Variants in SPIN1 observed in about 807,000 individuals in gnomAD.
SPIN1 encodes the protein spindlin 1.
A neutral mutation model predicts 26.0 loss-of-function variants in SPIN1; 3 were observed. That is an observed-to-expected ratio of 0.12 (90% CI 0.05 to 0.30). SPIN1 has a LOEUF of 0.30. SPIN1 is among the 10% of genes least tolerant of loss of function. The pLI, the probability that SPIN1 is intolerant of heterozygous loss-of-function variation, is 1.00. For missense variants in SPIN1, 126 were observed against 333.4 expected (o/e 0.38, Z 4.84); for synonymous variants, 101 against 116.5 (o/e 0.87, Z 0.86).
Position 88,397,751 on chromosome 9 carries a change from A to G in SPIN1, c.-159+9213A>G, listed in dbSNP as rs547673872. On this transcript the variant is annotated intron_variant, in intron 1 of 5. Coordinates refer to ENST00000375859, the MANE Select transcript of SPIN1 (RefSeq NM_006717.3). ...ATTCTCACTCCTCAGTCTCCCAAGT[A>G]GCTGGGAGTACAGGTGCGTGCCACC... is the stretch of plus-strand genomic sequence containing the variant. Among the ~76,000 whole-genome samples, 1,282 of 151,902 alleles carry G rather than the reference A, an allele frequency of 8.4e-3. 22 individuals are homozygous for G. Among genetic ancestry groups the G allele is most frequent in the Middle Eastern group, 0.038 (11 of 292 alleles).
At chr9:88,452,996 G>T (rs1240518142) in intron 3 of SPIN1, among the ~76,000 whole-genome samples, 1 of 152,156 alleles carries the variant, frequency 6.6e-6, no homozygotes, top group Non-Finnish European at 1.5e-5. Context: ...AATTTAACAT[G>T]TATGATGTCT....
chr9:88,466,984 G>A (rs904679988), intron 4 of SPIN1, among the ~76,000 whole-genome samples: 1 of 152,232 alleles, frequency 6.6e-6, no homozygotes, highest in South Asian at 2.1e-4. Flanking sequence ...TGATTCGCCC[G>A]CCTTGGACTC....
intron 5 of SPIN1, among the ~76,000 whole-genome samples, chr9:88,470,528 T>C (rs1221285262): frequency 1.3e-5 from 2 of 152,324 alleles, no homozygotes; most frequent in Non-Finnish European, 2.9e-5. Flanking sequence ...TGGTATCTCA[T>C]TGTGGCTTTG....
chr9:88,430,255 A>G lies in SPIN1; in HGVS notation c.52+3664A>G, dbSNP rs538739294. ...GGCTTCTTCACTCACATGGGCTGAT[A>G]GGACTTAAATAGCCTGGAGCTTTAG... On this transcript the variant is annotated intron_variant, in intron 2 of 5. Transcript: ENST00000375859. Among the ~76,000 whole-genome samples the G allele has an allele frequency of 2.6e-5, 4 of 152,338 alleles. No individual in the cohort carries two copies. The South Asian group carries it at 8.3e-4, about 32-fold the overall frequency.
At chr9:88,472,676 A>G (rs989827149) in intron 5 of SPIN1, among the ~76,000 whole-genome samples, 8 of 152,128 alleles carry the variant, frequency 5.3e-5, no homozygotes, top group Non-Finnish European at 1.2e-4. Context: ...TATTTTTAGT[A>G]GAGACAGAGT....
intron 1 of SPIN1, among the ~76,000 whole-genome samples, chr9:88,408,376 CTTTTT>C (rs1177261349): frequency 4.3e-5 from 5 of 115,438 alleles, no homozygotes; most frequent in African/African-American, 1.1e-4. Context: ...TCCTTTTTTT[CTTTTT>C]TTTTTTTTTT....
At position 88,418,279 on chromosome 9, in the gene SPIN1, G is replaced by A. The variant is rs1827606721; in HGVS notation, c.-158-8103G>A. On this transcript the variant is annotated intron_variant, in intron 1 of 5. Transcript: ENST00000375859. Reference sequence around the variant, plus strand: ...CCATCAGACATCATTCATCTCATTAGCATAAAAAAGACACTGGTATTCCTA... The same window carrying A: ...CCATCAGACATCATTCATCTCATTAACATAAAAAAGACACTGGTATTCCTA... Among the ~76,000 whole-genome samples, 2 of 152,168 alleles carry A rather than the reference G, an allele frequency of 1.3e-5. 1 individual carries two copies. The highest frequency in any genetic ancestry group is 1.3e-4 in the Admixed American group (2 of 15,274).
intron 1 of SPIN1, among the ~76,000 whole-genome samples, chr9:88,418,319 T>C (rs1827607883): frequency 6.6e-6 from 1 of 152,216 alleles, no homozygotes. Context: ...TTTAGGAATT[T>C]GGGTACCAGG....
intron 5 of SPIN1, 107 bp from the exon 6 acceptor site, chr9:88,474,970 AT>A (rs562928702): frequency 3.2e-5 from 36 of 1,139,086 alleles, no homozygotes; most frequent in Admixed American, 6.6e-5. Flanking sequence ...GGCTATTAAA[AT>A]TTTTTTTAAG....
chr9:88,427,799 A>G (rs992341864), intron 2 of SPIN1, among the ~76,000 whole-genome samples: 1 of 151,974 alleles, frequency 6.6e-6, no homozygotes, highest in Non-Finnish European at 1.5e-5. Flanking sequence ...GGGTTTTGCC[A>G]TGTTGGCCAG....
intron 1 of SPIN1, among the ~76,000 whole-genome samples, chr9:88,423,914 C>T (rs574397918): frequency 4.6e-5 from 7 of 152,088 alleles, no homozygotes; most frequent in East Asian, 1.9e-4. Context: ...CAAGGGCATA[C>T]GCCACCATGT....
At chr9:88,470,229 G>C (rs1828751685) in intron 5 of SPIN1, among the ~76,000 whole-genome samples, 1 of 152,194 alleles carries the variant, frequency 6.6e-6, no homozygotes, top group South Asian at 2.1e-4. Flanking sequence ...AAGCACATCT[G>C]AGTTGTTTCC....
At chr9:88,475,051 T>C (rs55693308) in intron 5 of SPIN1, 27 bp from the exon 6 acceptor site, 60,486 of 887,160 alleles carry the variant, frequency 0.068, 88 homozygotes, top group African/African-American at 0.19. Flanking sequence ...CTCTCTCTTT[T>C]TTTTTTTTTT....
chr9:88,392,421 T>C (rs1215504686), intron 1 of SPIN1, among the ~76,000 whole-genome samples: 1 of 152,078 alleles, frequency 6.6e-6, no homozygotes, highest in East Asian at 1.9e-4. Flanking sequence ...GTGCTGAAGG[T>C]ATCTGGGAAG....
rs879324006 is a variant in SPIN1, at chr9:88,399,035, GT to G, written c.-159+10511del. Among the ~76,000 whole-genome samples, 1,215 of 141,866 alleles carry G rather than the reference GT, an allele frequency of 8.6e-3. 19 individuals are homozygous for G. Among genetic ancestry groups the G allele is most frequent in the African/African-American group, 0.027 (1,056 of 39,190 alleles). The allele number at this position is 141,866 out of a possible 152,430, so 93.1% of individuals were successfully genotyped here. On this transcript the variant is annotated intron_variant, in intron 1 of 5. Transcript: ENST00000375859. ...AGTGTAGGAGGAGCTGGCTTAAGCA[GT>G]TTTTTTTTTTTTTGAGATGGAGTCT... is the stretch of plus-strand genomic sequence containing the variant.
chr9:88,468,202 T>G (rs184809017), intron 4 of SPIN1, among the ~76,000 whole-genome samples, 170 bp from the exon 5 acceptor site: 21 of 152,250 alleles, frequency 1.4e-4, no homozygotes, highest in Admixed American at 1.2e-3. Flanking sequence ...TGGGGCCCAG[T>G]AGTTTGTCTT....
chr9:88,443,896 A>G (rs1313501100), intron 2 of SPIN1, among the ~76,000 whole-genome samples: 2 of 151,552 alleles, frequency 1.3e-5, no homozygotes, highest in East Asian at 1.9e-4. Context: ...TCCTCTTAAG[A>G]GAGCCCCCAA....
chr9:88,465,143 T>C (rs1457129305), intron 4 of SPIN1, among the ~76,000 whole-genome samples: 2 of 152,220 alleles, frequency 1.3e-5, no homozygotes, highest in African/African-American at 4.8e-5. Context: ...TGTTTATCTG[T>C]TCACCCATTA....
chr9:88,447,462 C>T (rs544201805), intron 2 of SPIN1, among the ~76,000 whole-genome samples: 17 of 152,142 alleles, frequency 1.1e-4, no homozygotes, highest in South Asian at 2.1e-4. Context: ...GATGCCCTTT[C>T]GAGACTGTTG....
Sources: gnomAD v4.1 joint callset for allele counts (sites outside exome capture counted in the v4.1 genomes callset) on GRCh38, gnomAD v4.1.1 for gene constraint, MANE v1.5 for transcripts, NCBI Gene and HGNC (gene_info 2026-07-23, HGNC 2026-07-21) for gene names.